CSNK2A2: variants seen among roughly 807,000 people sequenced by gnomAD.
CSNK2A2 encodes the protein casein kinase II subunit alpha'.
In CSNK2A2, 8 loss-of-function variants were observed where a neutral mutation model predicts 54.0. The ratio of observed to expected loss-of-function variants is 0.15; its 90% CI spans 0.09 to 0.27. The LOEUF (loss-of-function observed/expected upper bound fraction) is 0.27. CSNK2A2 is among the 10% of genes least tolerant of loss of function. The probability of loss-of-function intolerance (pLI) is 1.00; values close to 1 mark genes in which losing one functional copy is unlikely to be tolerated. For synonymous variants in CSNK2A2, 141 were observed against 153.9 expected (o/e 0.92, Z 0.62); for missense variants, 242 against 439.4 (o/e 0.55, Z 4.02).
intron 4 of CSNK2A2, among the ~76,000 whole-genome samples, chr16:58,182,373 C>CAAAAAA (rs1962064924): frequency 7.8e-5 from 1 of 12,850 alleles, no homozygotes; most frequent in African/African-American, 4.8e-4. Context: ...ACTAAATATA[C>CAAAAAA]CAAAAAAAAA....
intron 11 of CSNK2A2, chr16:58,161,550 GACACACACACAGACACACACACAGAC>G (rs1961369973): frequency 1.6e-5 from 2 of 128,190 alleles, no homozygotes; most frequent in African/African-American, 9.1e-5. Context: ...CACACACACA[GACACACACACAGACACACACACAGAC>G]ACACACACAC....
At chr16:58,168,548 C>G in intron 6 of CSNK2A2, 62 bp downstream of exon 6, 1 of 1,415,584 alleles carries the variant, frequency 7.1e-7, no homozygotes, top group South Asian at 1.2e-5. Flanking sequence ...TGGCACTGGA[C>G]AGCTTTTTGG....
chr16:58,186,958 T>C lies in CSNK2A2; in HGVS notation c.217-102A>G, dbSNP rs144640076. On this transcript the variant is annotated intron_variant, in intron 2 of 11. Transcript: ENST00000262506. ...ATCAGATGGATAGTACGCTATCTTGTACACTCTGTTGTGTTCAAGAGTGTG... is the reference window on the plus strand; with the variant it reads ...ATCAGATGGATAGTACGCTATCTTGCACACTCTGTTGTGTTCAAGAGTGTG... The C allele has an allele frequency of 9.7e-5, 87 of 893,476 alleles. No homozygotes were observed. In the East Asian group the frequency reaches 2.2e-3, roughly 22 times the overall value. 55.3% of individuals were successfully genotyped at this position (893,476 alleles called of 1,614,324 possible).
intron 5 of CSNK2A2, chr16:58,174,110 A>G (rs186210163): frequency 4.3e-4 from 76 of 174,966 alleles, no homozygotes; most frequent in African/African-American, 1.7e-3. Context: ...ATAAGAAACA[A>G]TAATCATTTT....
In CSNK2A2 at chr16:58,186,870, G is replaced by C. The variant is rs932030906; in HGVS notation, c.217-14C>G. 6.3e-7 allele frequency: 1 copy of C among 1,594,382 alleles called. No homozygotes were observed. The highest frequency in any genetic ancestry group is 1.3e-5 in the African/African-American group (1 of 74,490). On this transcript the variant is annotated splice_polypyrimidine_tract_variant and intron_variant, in intron 2 of 11. Coordinates refer to ENST00000262506, the MANE Select transcript of CSNK2A2 (RefSeq NM_001896.4). ...TTTCTTCACTGGCTTAAATACACAA[G>C]AGTAATCAGAAGTGAGACTCCTTTT... is the stretch of plus-strand genomic sequence containing the variant.
chr16:58,168,325 T>C (rs781557653), intron 6 of CSNK2A2, among the ~76,000 whole-genome samples: 6 of 152,134 alleles, frequency 3.9e-5, no homozygotes, highest in African/African-American at 1.4e-4. Flanking sequence ...CATCAAGAAA[T>C]GAAGCAGAAA....
At chr16:58,195,042 T>C (rs1190230280) in intron 2 of CSNK2A2, among the ~76,000 whole-genome samples, 1 of 152,176 alleles carries the variant, frequency 6.6e-6, no homozygotes, top group African/African-American at 2.4e-5. Flanking sequence ...CTTCTGAATA[T>C]ACAGCAGTGG....
At chr16:58,185,200 T>C (rs1348940568) in intron 3 of CSNK2A2, among the ~76,000 whole-genome samples, 8 of 150,268 alleles carry the variant, frequency 5.3e-5, no homozygotes, top group African/African-American at 1.9e-4. Context: ...CATGTGAAAG[T>C]TACCTAGGAA....
At chr16:58,171,509 A>G (rs1014684873) in intron 5 of CSNK2A2, among the ~76,000 whole-genome samples, 30 of 152,016 alleles carry the variant, frequency 2.0e-4, no homozygotes, top group Admixed American at 1.6e-3. Context: ...GGCGACAGAT[A>G]AAAAAAGAAA....
intron 2 of CSNK2A2, among the ~76,000 whole-genome samples, chr16:58,189,006 G>A (rs1402743954): frequency 6.8e-6 from 1 of 147,910 alleles, no homozygotes; most frequent in Non-Finnish European, 1.5e-5. Flanking sequence ...GCCCAGGCTG[G>A]AGCACAGTGG....
chr16:58,169,897 T>C (rs1961688412), intron 5 of CSNK2A2, among the ~76,000 whole-genome samples: 1 of 151,924 alleles, frequency 6.6e-6, no homozygotes, highest in South Asian at 2.1e-4. Context: ...ATACAAAAAA[T>C]TAGCCAGGCA....
chr16:58,175,245 A>C (rs1162874940), intron 4 of CSNK2A2, among the ~76,000 whole-genome samples: 2 of 152,242 alleles, frequency 1.3e-5, no homozygotes, highest in East Asian at 3.8e-4. Flanking sequence ...AAAATTTCTA[A>C]GAGTCAGAAT....
intron 5 of CSNK2A2, among the ~76,000 whole-genome samples, chr16:58,171,986 T>A (rs867640462): frequency 0.043 from 3,704 of 86,532 alleles, 42 homozygotes; most frequent in African/African-American, 0.069. Context: ...TATATTTTTT[T>A]TTTTTTTTTT....
Position 58,197,564 on chromosome 16 carries a change from C to A in CSNK2A2, c.104+69G>T. Reference sequence around the variant, plus strand: ...CGGGAGACACCACCGGGCCCGAGTGCGGTTCGCAGGGGGTGGCCGGGCGGG... The same window carrying A: ...CGGGAGACACCACCGGGCCCGAGTGAGGTTCGCAGGGGGTGGCCGGGCGGG... On this transcript the variant is annotated intron_variant, in intron 1 of 11. Coordinates refer to ENST00000262506, the MANE Select transcript of CSNK2A2 (RefSeq NM_001896.4). The surrounding 1 kb of genome is among the most constrained non-coding windows in gnomAD (Gnocchi z 4.0). The A allele has an allele frequency of 9.2e-7, 1 of 1,090,746 alleles. No individual in the cohort carries two copies. 67.6% of individuals were successfully genotyped at this position (1,090,746 alleles called of 1,614,324 possible). A position where few individuals can be genotyped will look rare whatever the true frequency, so the allele number is the denominator to read the frequency against.
chr16:58,167,099 C>T, intron 8 of CSNK2A2, 108 bp downstream of exon 8: 2 of 661,350 alleles, frequency 3.0e-6, no homozygotes, highest in Admixed American at 3.3e-5. Context: ...AGCTCATATG[C>T]AGACACTGAG....
At position 58,197,840 on chromosome 16, in the gene CSNK2A2, TGGA is replaced by T. The variant is rs1166053379; in HGVS notation, c.-107_-105del. On this transcript the variant is annotated 5_prime_UTR_variant, in exon 1 of 12. Transcript: ENST00000262506. The surrounding 1 kb of genome is among the most constrained non-coding windows in gnomAD (Gnocchi z 4.0). ...GAGGAGGCAGCGGGCCGCCGGGCGC[TGGA>T]GGAGGAGGAGGAGGAGCGCGGCGGC... The T allele has an allele frequency of 6.0e-4, 78 of 129,146 alleles. No homozygotes were observed. Among genetic ancestry groups the T allele is most frequent in the Non-Finnish European group, 8.3e-4 (69 of 82,974 alleles). The allele number at this position is 129,146 out of a possible 1,614,324, so 8.0% of individuals were successfully genotyped here.
intron 2 of CSNK2A2, among the ~76,000 whole-genome samples, chr16:58,188,754 G>A (rs1030329355): frequency 1.3e-5 from 2 of 152,080 alleles, no homozygotes; most frequent in South Asian, 2.1e-4. Context: ...TCTCAAGCAC[G>A]TCAGGAAGAA....
rs1432851784 is a variant in CSNK2A2 at position 58,180,716 on chromosome 16, C to A, written c.369+3544G>T. ...AAAATTATAGATCAAAATTTATAAT[C>A]CATTGCACAAATATAAAATACTGAA... On this transcript the variant is annotated intron_variant, in intron 4 of 11. Transcript: ENST00000262506. Among the ~76,000 whole-genome samples the A allele has an allele frequency of 5.3e-5, 8 of 152,216 alleles. No individual in the cohort carries two copies. In the East Asian group the frequency reaches 1.5e-3, roughly 29 times the overall value.
intron 10 of CSNK2A2, 29 bp from the exon 11 acceptor site, chr16:58,164,176 A>G (rs1485434130): frequency 6.2e-7 from 1 of 1,610,862 alleles, no homozygotes. Context: ...AAAGTCAGGC[A>G]ATCAGGGTGG....
Sources: gnomAD v4.1 joint callset for allele counts (sites outside exome capture counted in the v4.1 genomes callset) on GRCh38, gnomAD v4.1.1 for gene constraint, Gnocchi (gnomAD v3.1) non-coding constraint, MANE v1.5 for transcripts, NCBI Gene and HGNC (gene_info 2026-07-23, HGNC 2026-07-21) for gene names.